ASTN1: variants seen among roughly 807,000 people sequenced by gnomAD.
The protein encoded by ASTN1 is astrotactin-1.
A neutral mutation model predicts 140.7 loss-of-function variants in ASTN1; 41 were observed. The observed-to-expected ratio is 0.29, with a 90% CI of 0.23 to 0.38. ASTN1 has a LOEUF of 0.38. Among genes scored for constraint, ASTN1 ranks in the 10% least tolerant of loss-of-function variants. The pLI is 1.00. For missense variants in ASTN1, 1,479 were observed against 1,678.8 expected, an observed-to-expected ratio of 0.88 and a Z score of 2.08; for synonymous variants, 640 against 652.2, an observed-to-expected ratio of 0.98 and a Z score of 0.29.
chr1:177,048,156 C>T (rs767237526), intron 2 of ASTN1, among the ~76,000 whole-genome samples: 3 of 152,120 alleles, frequency 2.0e-5, no homozygotes, highest in East Asian at 1.9e-4. Context: ...TCTCAAAGGG[C>T]GGCCGCCAGA....
At chr1:177,164,281 T>G in intron 1 of ASTN1, 113 bp downstream of exon 1, 3 of 1,120,246 alleles carry the variant, frequency 2.7e-6, no homozygotes, top group South Asian at 1.7e-5. Context: ...ATCCGGGAGG[T>G]AGGAGTGGGG....
chr1:177,013,509 C>T lies in ASTN1; in HGVS notation c.1523+1282G>A, dbSNP rs75801910. Among the ~76,000 whole-genome samples the T allele has an allele frequency of 1.5e-3, 221 of 152,244 alleles. 1 individual carries two copies. The highest frequency in any genetic ancestry group is 2.7e-3 in the African/African-American group (114 of 41,554). ...ATCATTTTTATTGCTCTTCTCCAAA[C>T]GCTCACCCATTTGTCACCATATTTA... On this transcript the variant is annotated intron_variant, in intron 8 of 22. Coordinates refer to ENST00000361833, the MANE Select transcript of ASTN1 (RefSeq NM_004319.3).
rs759902061 is a variant in ASTN1 at position 176,864,707 on chromosome 1, A to AAATG, written c.3648-190_3648-187dup. Among the ~76,000 whole-genome samples the AAATG allele has an allele frequency of 1.7e-3, 261 of 152,344 alleles. 1 individual carries two copies. The Middle Eastern group carries it at 0.024, about 14-fold the overall frequency. On this transcript the variant is annotated intron_variant, in intron 22 of 22. Coordinates refer to ENST00000361833, the MANE Select transcript of ASTN1 (RefSeq NM_004319.3). Reference sequence around the variant, plus strand: ...ATATCTGTCAAGCAAATGAATGAATAAATGAATGAATGAATGAATTGGATA... The same window carrying AAATG: ...ATATCTGTCAAGCAAATGAATGAATAAATGAATGAATGAATGAATGAATTGGATA...
At chr1:177,057,264 G>A (rs1355437784) in intron 2 of ASTN1, among the ~76,000 whole-genome samples, 1 of 152,196 alleles carries the variant, frequency 6.6e-6, no homozygotes, top group Admixed American at 6.5e-5. Flanking sequence ...TGGGGAATTG[G>A]CTTTCTGCAA....
chr1:177,087,009 A>G (rs1034065877), intron 1 of ASTN1, among the ~76,000 whole-genome samples: 2 of 152,182 alleles, frequency 1.3e-5, no homozygotes, highest in Non-Finnish European at 2.9e-5. Context: ...TCTATTCTCA[A>G]ACTTTTTTTT....
chr1:177,134,310 C>G (rs959005315), intron 1 of ASTN1, among the ~76,000 whole-genome samples: 1 of 152,236 alleles, frequency 6.6e-6, no homozygotes, highest in African/African-American at 2.4e-5. Context: ...CTCCACCACT[C>G]ATTATCTACT....
chr1:176,961,531 C>T (rs1024118001), intron 9 of ASTN1, among the ~76,000 whole-genome samples: 10 of 152,216 alleles, frequency 6.6e-5, no homozygotes, highest in South Asian at 2.1e-4. Flanking sequence ...CCCATTTTAC[C>T]GATGTATCAA....
chr1:176,889,044 A>G (rs1218126180), intron 17 of ASTN1, among the ~76,000 whole-genome samples: 1 of 152,274 alleles, frequency 6.6e-6, no homozygotes, highest in Non-Finnish European at 1.5e-5. Flanking sequence ...GTTGAGTCTT[A>G]GATAGAAATT....
chr1:176,888,295 C>A, intron 17 of ASTN1, 91 bp from the exon 18 acceptor site: 1 of 1,437,984 alleles, frequency 7.0e-7, no homozygotes. Flanking sequence ...ATCTGCATGG[C>A]CCTAAATTAC....
chr1:176,998,732 G>A (rs976007829), intron 8 of ASTN1, among the ~76,000 whole-genome samples: 2 of 152,234 alleles, frequency 1.3e-5, no homozygotes, highest in Non-Finnish European at 2.9e-5. Context: ...GGATGTGAGA[G>A]GGAGAGCAAG....
rs369470818 is a variant in ASTN1 at position 177,032,572 on chromosome 1, C to T, written c.749G>A (p.Arg250His). Residue 250 changes from arginine to histidine, a missense_variant, in exon 3 of 23, where the codon CGC becomes CAC. By Grantham distance (29) the Arg-to-His change is conservative. This residue lies in a region of ASTN1 where 729 missense variants were observed against 860.4 expected (regional missense o/e 0.85). Transcript: ENST00000361833. ...CATGCACTCCCTCTGCAGATGGTGG[C>T]GCAGATCAGTGATGTCATACTCATA... ...DGYEYDITDLRHHLQRECMNG... is the reference protein window; with the variant it reads ...DGYEYDITDLHHHLQRECMNG... 5.0e-6 allele frequency: 8 copies of T among 1,614,188 alleles called. No homozygotes were observed. The Admixed American group carries it at 5.0e-5, about 10-fold the overall frequency.
At chr1:176,910,914 GAATCT>G (rs1313217757) in intron 16 of ASTN1, among the ~76,000 whole-genome samples, 1 of 152,190 alleles carries the variant, frequency 6.6e-6, no homozygotes, top group African/African-American at 2.4e-5. Flanking sequence ...CTTCTTATGG[GAATCT>G]AATGATAAAT....
At chr1:177,010,500 C>A (rs944982598) in intron 8 of ASTN1, among the ~76,000 whole-genome samples, 3 of 152,234 alleles carry the variant, frequency 2.0e-5, no homozygotes, top group Non-Finnish European at 4.4e-5. Context: ...CATTAGAAAT[C>A]TGTCATCTGT....
intron 8 of ASTN1, among the ~76,000 whole-genome samples, chr1:176,980,355 G>A (rs1673557172): frequency 6.6e-6 from 1 of 152,120 alleles, no homozygotes; most frequent in African/African-American, 2.4e-5. Context: ...GCTGAGGCCT[G>A]AGGACAGTGG....
chr1:176,936,581 A>T (rs949482955), intron 14 of ASTN1, among the ~76,000 whole-genome samples: 1 of 152,254 alleles, frequency 6.6e-6, no homozygotes. Flanking sequence ...AGCACTTTGC[A>T]TACATATATT....
intron 3 of ASTN1, among the ~76,000 whole-genome samples, chr1:177,031,772 G>T (rs568344453): frequency 2.0e-5 from 3 of 152,196 alleles, no homozygotes; most frequent in Non-Finnish European, 4.4e-5. Flanking sequence ...CTGATTCATA[G>T]AAGTTTTAAA....
intron 1 of ASTN1, 56 bp downstream of exon 1, chr1:177,164,338 G>T: frequency 1.3e-6 from 2 of 1,485,590 alleles, no homozygotes; most frequent in South Asian, 2.7e-5. Context: ...GCTGGAGTGG[G>T]GGGTGGGGGC....
chr1:177,040,859 G>T (rs1228279167), intron 2 of ASTN1, among the ~76,000 whole-genome samples: 1 of 152,182 alleles, frequency 6.6e-6, no homozygotes, highest in Non-Finnish European at 1.5e-5. Flanking sequence ...GTGGTTGGAG[G>T]CTAGTGTGCT....
chr1:176,958,198 G>T, intron 10 of ASTN1, 147 bp downstream of exon 10: 1 of 1,226,510 alleles, frequency 8.2e-7, no homozygotes, highest in Non-Finnish European at 1.1e-6. Flanking sequence ...GCAGACCCTG[G>T]CACAACATAG....
Sources: gnomAD v4.1 joint callset for allele counts (sites outside exome capture counted in the v4.1 genomes callset) on GRCh38, gnomAD v4.1.1 for gene constraint, gnomAD v4.1.1 regional missense constraint, MANE v1.5 for transcripts, NCBI Gene and HGNC (gene_info 2026-07-23, HGNC 2026-07-21) for gene names.